Variants in KCNJ3 observed in about 807,000 individuals in gnomAD.
The protein encoded by KCNJ3 is potassium inwardly rectifying channel subfamily J member 3, also known as G protein-activated inward rectifier potassium channel 1.
Under a neutral mutation model 39.2 loss-of-function variants are expected in KCNJ3, and 4 were observed. The ratio of observed to expected loss-of-function variants is 0.10; its 90% CI spans 0.05 to 0.23. KCNJ3 has a LOEUF of 0.23. Ranked by LOEUF, KCNJ3 falls within the 10% of genes least tolerant of loss-of-function variation. KCNJ3 has a pLI of 1.00. For synonymous variants in KCNJ3, 230 were observed against 237.4 expected, an observed-to-expected ratio of 0.97 and a Z score of 0.29; for missense variants, 276 against 634.9, an observed-to-expected ratio of 0.43 and a Z score of 6.08.
intron 1 of KCNJ3, among the ~76,000 whole-genome samples, chr2:154,702,564 T>C (rs1048989788): frequency 6.6e-6 from 1 of 151,958 alleles, no homozygotes; most frequent in Non-Finnish European, 1.5e-5. Context: ...TATTATGCTT[T>C]TCACTTATTT....
At chr2:154,729,158 G>A (rs1685410899) in intron 2 of KCNJ3, among the ~76,000 whole-genome samples, 2 of 152,120 alleles carry the variant, frequency 1.3e-5, no homozygotes, top group African/African-American at 4.8e-5. Context: ...AACCTTTTTA[G>A]TGAGTGCCAG....
chr2:154,729,955 G>A (rs1173420082), intron 2 of KCNJ3, among the ~76,000 whole-genome samples: 1 of 151,974 alleles, frequency 6.6e-6, no homozygotes, highest in Non-Finnish European at 1.5e-5. Flanking sequence ...CCATTTGCTC[G>A]AAGACTTCAT....
rs2197485 is a variant in KCNJ3, at chr2:154,858,044, G to C, written c.*2731G>C. 1 of 151,714 alleles carries C rather than the reference G, an allele frequency of 6.6e-6. No homozygotes were observed. Among genetic ancestry groups the C allele is most frequent in the Non-Finnish European group, 1.5e-5 (1 of 67,968 alleles). The allele number at this position is 151,714 out of a possible 1,614,324, so 9.4% of individuals were successfully genotyped here. A position where few individuals can be genotyped will look rare whatever the true frequency, so the allele number is the denominator to read the frequency against. Reference sequence around the variant, plus strand: ...ATGTGAACAGAAATCTATCTCATGAGAAAGTGCTACTGTTGTCAAAATTAC... The same window carrying C: ...ATGTGAACAGAAATCTATCTCATGACAAAGTGCTACTGTTGTCAAAATTAC... On this transcript the variant is annotated 3_prime_UTR_variant, in exon 3 of 3. Coordinates refer to ENST00000295101, the MANE Select transcript of KCNJ3 (RefSeq NM_002239.4).
At chr2:154,828,773 A>G (rs998207751) in intron 2 of KCNJ3, among the ~76,000 whole-genome samples, 3 of 152,154 alleles carry the variant, frequency 2.0e-5, no homozygotes, top group African/African-American at 4.8e-5. Flanking sequence ...AAAGTCTTGT[A>G]TCTTTTCAAA....
rs1247898842 is a variant in KCNJ3 at position 154,752,130 on chromosome 2, A to C, written c.919+42311A>C. On this transcript the variant is annotated intron_variant, in intron 2 of 2. Transcript: ENST00000295101. ...AATTTCCTTTTATACATTTCCATACAAATAAAATAGCTGGATGTTATCTTA... is the reference window on the plus strand; with the variant it reads ...AATTTCCTTTTATACATTTCCATACCAATAAAATAGCTGGATGTTATCTTA... Among the ~76,000 whole-genome samples the C allele has an allele frequency of 3.3e-5, 5 of 152,180 alleles. No individual in the cohort carries two copies. The East Asian group carries it at 9.6e-4, about 29-fold the overall frequency.
intron 1 of KCNJ3, among the ~76,000 whole-genome samples, chr2:154,704,735 G>A (rs948410172): frequency 2.0e-4 from 31 of 152,106 alleles, no homozygotes; most frequent in Admixed American, 7.2e-4. Flanking sequence ...TGCCCTAACT[G>A]CTTTGGGTCA....
intron 2 of KCNJ3, among the ~76,000 whole-genome samples, chr2:154,843,392 G>A (rs559676652): frequency 2.6e-4 from 39 of 152,126 alleles, no homozygotes; most frequent in African/African-American, 9.4e-4. Context: ...TTTCAACTTT[G>A]GTGAATCTGA....
intron 2 of KCNJ3, among the ~76,000 whole-genome samples, chr2:154,813,974 G>T (rs1435295679): frequency 6.6e-6 from 1 of 152,142 alleles, no homozygotes; most frequent in East Asian, 1.9e-4. Context: ...TTAAAAATGT[G>T]TATATTCATC....
In KCNJ3 at chr2:154,824,683, A is replaced by G. The variant is rs563126940; in HGVS notation, c.920-30044A>G. Among the ~76,000 whole-genome samples the G allele has an allele frequency of 4.6e-5, 7 of 152,348 alleles. No homozygotes were observed. In the South Asian group the frequency reaches 1.4e-3, roughly 32 times the overall value. On this transcript the variant is annotated intron_variant, in intron 2 of 2. Coordinates refer to ENST00000295101, the MANE Select transcript of KCNJ3 (RefSeq NM_002239.4). Reference sequence around the variant, plus strand: ...ATATAAATGTATTTTATAAACAGGAAAACAAACAGTGTTTATTTTTTAATT... The same window carrying G: ...ATATAAATGTATTTTATAAACAGGAGAACAAACAGTGTTTATTTTTTAATT...
At chr2:154,733,684 C>T (rs748356954) in intron 2 of KCNJ3, among the ~76,000 whole-genome samples, 25 of 152,270 alleles carry the variant, frequency 1.6e-4, no homozygotes, top group African/African-American at 5.5e-4. Context: ...TAGATACATT[C>T]GTGTAGGACT....
At chr2:154,813,041 C>T (rs1687028552) in intron 2 of KCNJ3, among the ~76,000 whole-genome samples, 1 of 152,136 alleles carries the variant, frequency 6.6e-6, no homozygotes, top group Non-Finnish European at 1.5e-5. Context: ...AATGCAGAAA[C>T]TGATGTTAGT....
intron 2 of KCNJ3, among the ~76,000 whole-genome samples, chr2:154,717,753 C>T (rs1304944210): frequency 6.6e-6 from 1 of 152,094 alleles, no homozygotes; most frequent in African/African-American, 2.4e-5. Flanking sequence ...AGTAGAAGCT[C>T]CACTTGTGAA....
chr2:154,703,236 C>T lies in KCNJ3; in HGVS notation c.702+3759C>T, dbSNP rs376601582. On this transcript the variant is annotated intron_variant, in intron 1 of 2. Transcript: ENST00000295101. ...GCACACATTTTTTACATAAAGTAAA[C>T]ATAAAATAAACTATGGTTGCATTCA... Among the ~76,000 whole-genome samples the T allele has an allele frequency of 2.0e-5, 3 of 151,930 alleles. No individual in the cohort carries two copies. The East Asian group carries it at 5.8e-4, about 29-fold the overall frequency.
At chr2:154,821,359 A>G (rs1574474592) in intron 2 of KCNJ3, among the ~76,000 whole-genome samples, 1 of 152,202 alleles carries the variant, frequency 6.6e-6, no homozygotes, top group East Asian at 1.9e-4. Flanking sequence ...ATTATTTTTC[A>G]TGAGCAGATT....
intron 2 of KCNJ3, among the ~76,000 whole-genome samples, chr2:154,789,777 T>C (rs1686594667): frequency 6.6e-6 from 1 of 152,074 alleles, no homozygotes; most frequent in Non-Finnish European, 1.5e-5. Flanking sequence ...ATTGAAATAC[T>C]TGCCTAGGAA....
chr2:154,787,508 A>T (rs1686553070), intron 2 of KCNJ3, among the ~76,000 whole-genome samples: 1 of 152,162 alleles, frequency 6.6e-6, no homozygotes, highest in Admixed American at 6.6e-5. Context: ...ACCTCAGGAC[A>T]TCAGGAGCAA....
At chr2:154,709,562 A>G (rs748241833) in intron 1 of KCNJ3, 41 bp from the exon 2 acceptor site, 1 of 1,594,476 alleles carries the variant, frequency 6.3e-7, no homozygotes, top group Non-Finnish European at 8.6e-7. Flanking sequence ...AATTTTCAGT[A>G]CAAGTGGTGA....
intron 2 of KCNJ3, among the ~76,000 whole-genome samples, chr2:154,798,538 C>A (rs1325308274): frequency 6.6e-6 from 1 of 152,020 alleles, no homozygotes; most frequent in Non-Finnish European, 1.5e-5. Flanking sequence ...TACAAAAGGT[C>A]GCAGTGATTA....
intron 2 of KCNJ3, among the ~76,000 whole-genome samples, chr2:154,712,985 A>G (rs1441022359): frequency 1.3e-5 from 2 of 151,940 alleles, no homozygotes; most frequent in African/African-American, 4.8e-5. Flanking sequence ...TGAGCTGGGA[A>G]TGAGCTTGAT....
Sources: gnomAD v4.1 joint callset for allele counts (sites outside exome capture counted in the v4.1 genomes callset) on GRCh38, gnomAD v4.1.1 for gene constraint, MANE v1.5 for transcripts, NCBI Gene and HGNC (gene_info 2026-07-23, HGNC 2026-07-21) for gene names.